Variants in SEPTIN7 observed in about 807,000 individuals in gnomAD.
SEPTIN7 encodes septin-7.
In SEPTIN7, 10 loss-of-function variants were observed where a neutral mutation model predicts 63.3. The ratio of observed to expected loss-of-function variants is 0.16; its 90% CI spans 0.10 to 0.27. The LOEUF (loss-of-function observed/expected upper bound fraction) is 0.27, where lower values mean the gene tolerates loss of function less well. SEPTIN7 is among the 10% of genes least tolerant of loss of function. The pLI is 1.00. For synonymous variants in SEPTIN7, 131 were observed against 165.3 expected (o/e 0.79, Z 1.59); for missense variants, 310 against 521.0 (o/e 0.59, Z 3.94).
At chr7:35,840,458 T>C (rs1562539256) in intron 3 of SEPTIN7, among the ~76,000 whole-genome samples, 2 of 151,508 alleles carry the variant, frequency 1.3e-5, no homozygotes, top group African/African-American at 2.4e-5. Context: ...AAATTTGTTT[T>C]GTAGAGATGG....
At chr7:35,863,475 G>C in intron 3 of SEPTIN7, 77 bp from the exon 4 acceptor site, 1 of 806,572 alleles carries the variant, frequency 1.2e-6, no homozygotes. Context: ...AGGCAAGTTT[G>C]ATTATAGCAT....
At chr7:35,895,552 T>C (rs980489430) in intron 11 of SEPTIN7, among the ~76,000 whole-genome samples, 4 of 152,232 alleles carry the variant, frequency 2.6e-5, no homozygotes, top group African/African-American at 9.6e-5. Context: ...CACAGCATAT[T>C]TATTTTTATA....
chr7:35,914,327 G>T, the SEPTIN7 span, among the ~76,000 whole-genome samples: 4 of 149,976 alleles, frequency 2.7e-5, no homozygotes, highest in African/African-American at 9.7e-5. Flanking sequence ...AGATGTTTTT[G>T]TAAAGGTATT....
intron 1 of SEPTIN7, among the ~76,000 whole-genome samples, chr7:35,808,703 T>C (rs1202908096): frequency 6.6e-6 from 1 of 152,186 alleles, no homozygotes; most frequent in Non-Finnish European, 1.5e-5. Context: ...TGCACCTCTT[T>C]TATAAGGTCA....
chr7:35,866,587 A>T (rs1312639103), intron 4 of SEPTIN7, among the ~76,000 whole-genome samples: 1 of 152,172 alleles, frequency 6.6e-6, no homozygotes, highest in Non-Finnish European at 1.5e-5. Context: ...TTTATAAGAG[A>T]CTTGTATCTT....
At chr7:35,817,715 A>G (rs999234288) in intron 1 of SEPTIN7, among the ~76,000 whole-genome samples, 4 of 152,042 alleles carry the variant, frequency 2.6e-5, no homozygotes, top group African/African-American at 9.7e-5. Context: ...TTTTGTGAAC[A>G]ACATTTTTAT....
chr7:35,877,800 A>G (rs2116250535), intron 6 of SEPTIN7, among the ~76,000 whole-genome samples: 1 of 152,328 alleles, frequency 6.6e-6, no homozygotes, highest in African/African-American at 2.4e-5. Context: ...TGCTGAGGAT[A>G]CAGATAAATT....
At chr7:35,875,768 C>G (rs1313116191) in intron 6 of SEPTIN7, among the ~76,000 whole-genome samples, 2 of 151,568 alleles carry the variant, frequency 1.3e-5, no homozygotes, top group Non-Finnish European at 2.9e-5. Flanking sequence ...GATTTTTTCT[C>G]TTATACATAC....
the SEPTIN7 span, among the ~76,000 whole-genome samples, chr7:35,913,564 T>C: frequency 1.2e-4 from 18 of 150,004 alleles, no homozygotes; most frequent in African/African-American, 4.4e-4. Flanking sequence ...TCCTTCCTTC[T>C]TTCTTTCCTT....
chr7:35,808,128 G>T (rs1456631053), intron 1 of SEPTIN7, among the ~76,000 whole-genome samples: 2 of 151,944 alleles, frequency 1.3e-5, no homozygotes, highest in Middle Eastern at 3.2e-3. Context: ...GGTTTTTTTT[G>T]TTGTTGTTTT....
At chr7:35,807,562 ACT>A (rs1342376417) in intron 1 of SEPTIN7, among the ~76,000 whole-genome samples, 3 of 151,482 alleles carry the variant, frequency 2.0e-5, no homozygotes, top group Admixed American at 1.3e-4. Context: ...ACGGGGTTTC[ACT>A]GTGTTAGCCA....
At chr7:35,891,978 T>G (rs1787676573) in intron 11 of SEPTIN7, among the ~76,000 whole-genome samples, 2 of 152,156 alleles carry the variant, frequency 1.3e-5, no homozygotes, top group African/African-American at 4.8e-5. Context: ...ACTTACACAT[T>G]AGCCTAGGCC....
At chr7:35,908,996 T>C (rs1583667269), downstream of SEPTIN7, among the ~76,000 whole-genome samples, 1 of 152,356 alleles carries the variant, frequency 6.6e-6, no homozygotes, top group East Asian at 1.9e-4. Context: ...GCCAGTAGTT[T>C]TAAGCAACTT....
At chr7:35,853,495 G>T (rs1785060921) in intron 3 of SEPTIN7, among the ~76,000 whole-genome samples, 1 of 152,164 alleles carries the variant, frequency 6.6e-6, no homozygotes, top group African/African-American at 2.4e-5. Context: ...CTCAGAGTCT[G>T]GGAAGTATAG....
At chr7:35,887,225 C>T (rs1391600364) in intron 10 of SEPTIN7, among the ~76,000 whole-genome samples, 7 of 152,210 alleles carry the variant, frequency 4.6e-5, no homozygotes, top group Non-Finnish European at 1.0e-4. Context: ...TTTAAATCTT[C>T]TATGGTACTT....
chr7:35,836,039 C>T (rs1190114198), intron 3 of SEPTIN7, among the ~76,000 whole-genome samples: 3 of 152,054 alleles, frequency 2.0e-5, no homozygotes, highest in Non-Finnish European at 4.4e-5. Context: ...TAAGGTGTAA[C>T]TTTACAATTA....
intron 12 of SEPTIN7, chr7:35,899,769 A>G (rs1292258074): frequency 6.6e-6 from 1 of 152,188 alleles, no homozygotes; most frequent in Non-Finnish European, 1.5e-5. Flanking sequence ...CTATGGTCCC[A>G]ACTACTCAGG....
At chr7:35,831,382 G>A in intron 1 of SEPTIN7, 110 bp from the exon 2 acceptor site, 1 of 320,540 alleles carries the variant, frequency 3.1e-6, no homozygotes, top group Non-Finnish European at 6.0e-6. Flanking sequence ...CTCCTGTTTG[G>A]ACTGAATATG....
intron 3 of SEPTIN7, among the ~76,000 whole-genome samples, chr7:35,845,124 G>A (rs954644494): frequency 5.9e-5 from 9 of 151,820 alleles, no homozygotes; most frequent in Non-Finnish European, 1.2e-4. Context: ...GTGGGTGTAG[G>A]ATGGTGGTAG....
Sources: gnomAD v4.1 joint callset for allele counts (sites outside exome capture counted in the v4.1 genomes callset) on GRCh38, gnomAD v4.1.1 for gene constraint, MANE v1.5 for transcripts, NCBI Gene and HGNC (gene_info 2026-07-23, HGNC 2026-07-21) for gene names.